The following LMNA variants were observed in gnomAD, a reference collection of about 807,000 sequenced individuals.
The protein encoded by LMNA is lamin A/C.
In LMNA, 20 loss-of-function variants were observed where a neutral mutation model predicts 70.4. The ratio of observed to expected loss-of-function variants is 0.28; its 90% CI spans 0.20 to 0.41. The LOEUF is 0.41. LMNA is among the 10% of genes least tolerant of loss of function. The probability of loss-of-function intolerance (pLI) is 1.00; values close to 1 mark genes in which losing one functional copy is unlikely to be tolerated. For missense variants in LMNA, 652 were observed against 917.2 expected (o/e 0.71, Z 3.73); for synonymous variants, 339 against 372.8 (o/e 0.91, Z 1.04).
At chr1:156,084,036 G>T (rs543373950) in intron 2 of LMNA, among the ~76,000 whole-genome samples, 1 of 152,090 alleles carries the variant, frequency 6.6e-6, no homozygotes, top group East Asian at 1.9e-4. Flanking sequence ...TTGAGGGCTC[G>T]AGGTCAGACT....
Position 156,139,142 on chromosome 1 carries a change from T to C in LMNA, c.*36T>C. 1 of 1,613,170 alleles carries C rather than the reference T, an allele frequency of 6.2e-7. No individual in the cohort carries two copies. The highest frequency in any genetic ancestry group is 8.5e-7 in the Non-Finnish European group (1 of 1,179,724). On this transcript the variant is annotated 3_prime_UTR_variant, in exon 12 of 12. Coordinates refer to ENST00000368300, the MANE Select transcript of LMNA (RefSeq NM_170707.4). ...GCCAGGCAGGGGTGGGGGTGGAGGC[T>C]TCCTGCGTCCTCCTCACCTCATGCC...
chr1:156,102,252 C>T (rs1336448550), intron 3 of LMNA, among the ~76,000 whole-genome samples: 1 of 152,178 alleles, frequency 6.6e-6, no homozygotes, highest in Non-Finnish European at 1.5e-5. Context: ...GTGTTCCTCA[C>T]TTCCCCCATC....
chr1:156,091,543 G>A (rs1648702930), intron 3 of LMNA, among the ~76,000 whole-genome samples: 1 of 151,996 alleles, frequency 6.6e-6, no homozygotes, highest in African/African-American at 2.4e-5. Flanking sequence ...CAGAGGTTGC[G>A]GTAAGCCAAG....
At chr1:156,131,303 C>A (rs1651043972) in intron 2 of LMNA, among the ~76,000 whole-genome samples, 1 of 151,488 alleles carries the variant, frequency 6.6e-6, no homozygotes, top group South Asian at 2.1e-4. Flanking sequence ...TAAAAATAAT[C>A]CAGGCCATGT....
chr1:156,129,830 G>A, intron 1 of LMNA: 1 of 765,810 alleles, frequency 1.3e-6, no homozygotes, highest in African/African-American at 1.7e-5. Flanking sequence ...GGAGCAGGGA[G>A]GCTTAAAGCT....
At chr1:156,119,454 G>A (rs747159627) in intron 1 of LMNA, among the ~76,000 whole-genome samples, 8 of 152,256 alleles carry the variant, frequency 5.3e-5, no homozygotes, top group Non-Finnish European at 8.8e-5. Flanking sequence ...GGGTTTCACC[G>A]TGTTGCCCAA....
At chr1:156,123,114 C>T (rs1313649545) in intron 1 of LMNA, 1 of 151,800 alleles carries the variant, frequency 6.6e-6, no homozygotes, top group Non-Finnish European at 1.5e-5. Context: ...GTGGCCTTTT[C>T]TTGAGAACTA....
intron 3 of LMNA, among the ~76,000 whole-genome samples, chr1:156,102,476 T>C (rs533296660): frequency 6.6e-6 from 1 of 152,304 alleles, no homozygotes; most frequent in African/African-American, 2.4e-5. Flanking sequence ...GTCCTAAAAC[T>C]GGGTCTTCAA....
chr1:156,131,518 A>C (rs1004680054), intron 2 of LMNA, among the ~76,000 whole-genome samples: 1 of 152,186 alleles, frequency 6.6e-6, no homozygotes, highest in Non-Finnish European at 1.5e-5. Flanking sequence ...TGAACCTGAG[A>C]GGTCGAGGAT....
At chr1:156,113,924 G>C (rs1649633989), upstream of LMNA, among the ~76,000 whole-genome samples, 3 of 152,202 alleles carry the variant, frequency 2.0e-5, no homozygotes, top group South Asian at 6.2e-4. Flanking sequence ...AAGGGGACAG[G>C]AGATGGAAGG....
intron 3 of LMNA, among the ~76,000 whole-genome samples, chr1:156,095,674 G>A (rs564704129): frequency 5.2e-4 from 79 of 152,208 alleles, no homozygotes; most frequent in African/African-American, 1.7e-3. Flanking sequence ...CACTTCTAAC[G>A]CCAACATCCT....
chr1:156,131,391 C>T (rs1651051462), intron 2 of LMNA, among the ~76,000 whole-genome samples: 2 of 151,960 alleles, frequency 1.3e-5, no homozygotes, highest in South Asian at 4.1e-4. Flanking sequence ...AGTTTGAGAC[C>T]AGCCTGGGCA....
At chr1:156,106,479 C>T (rs1649349519) in intron 3 of LMNA, among the ~76,000 whole-genome samples, 1 of 152,242 alleles carries the variant, frequency 6.6e-6, no homozygotes, top group African/African-American at 2.4e-5. Context: ...CACACGCAGT[C>T]GCCTGCGTCA....
chr1:156,117,969 ATTTTTTTT>A (rs1186679791), intron 1 of LMNA, among the ~76,000 whole-genome samples: 6 of 91,906 alleles, frequency 6.5e-5, no homozygotes, highest in African/African-American at 2.2e-4. Flanking sequence ...CGCTTGGCTA[ATTTTTTTT>A]TTTTTTTTTT....
In LMNA at chr1:156,114,745, A is replaced by G; in HGVS notation, c.-174A>G. The G allele has an allele frequency of 1.7e-6, 1 of 586,690 alleles. No homozygotes were observed. The highest frequency in any genetic ancestry group is 3.0e-6 in the Non-Finnish European group (1 of 337,552). 36.3% of individuals were successfully genotyped at this position (586,690 alleles called of 1,614,324 possible). Reference sequence around the variant, plus strand: ...GGGAGCGCCGCACCTACACCAGCCAACCCAGATCCCGAGGTCCGACAGCGC... The same window carrying G: ...GGGAGCGCCGCACCTACACCAGCCAGCCCAGATCCCGAGGTCCGACAGCGC... On this transcript the variant is annotated 5_prime_UTR_variant, in exon 1 of 12. Transcript: ENST00000368300.
chr1:156,126,829 C>T, intron 1 of LMNA: 2 of 1,611,900 alleles, frequency 1.2e-6, no homozygotes, highest in East Asian at 2.2e-5. Flanking sequence ...GCTTGGGGAA[C>T]CTGGAGGATG....
chr1:156,132,965 G>A (rs140762385), intron 2 of LMNA, among the ~76,000 whole-genome samples: 16,251 of 149,666 alleles, frequency 0.11, 1,642 homozygotes, highest in African/African-American at 0.27. Flanking sequence ...TCAGCCTCCC[G>A]AGTAGCTGGG....
Position 156,135,401 on chromosome 1 carries a change from G to A in LMNA, c.936+89G>A, listed in dbSNP as rs973887502. On this transcript the variant is annotated intron_variant, in intron 5 of 11. Coordinates refer to ENST00000368300, the MANE Select transcript of LMNA (RefSeq NM_170707.4). The surrounding 1 kb of genome is among the most constrained non-coding windows in gnomAD (Gnocchi z 4.8). ...CCCAGGGTTGGGGGTGGGGGTGGGGGTGGGAGGTTCCTGAGGAGGAGAGGG... is the reference window on the plus strand; with the variant it reads ...CCCAGGGTTGGGGGTGGGGGTGGGGATGGGAGGTTCCTGAGGAGGAGAGGG... 17 of 1,368,416 alleles carry A rather than the reference G, an allele frequency of 1.2e-5. No homozygotes were observed. Among genetic ancestry groups the A allele is most frequent in the Middle Eastern group, 2.5e-4 (1 of 3,988 alleles). The allele number at this position is 1,368,416 out of a possible 1,614,324, so 84.8% of individuals were successfully genotyped here. A position where few individuals can be genotyped will look rare whatever the true frequency, so the allele number is the denominator to read the frequency against.
chr1:156,135,087 G>A lies in LMNA; in HGVS notation c.811-100G>A. On this transcript the variant is annotated intron_variant, in intron 4 of 11. Transcript: ENST00000368300. This position sits in a 1 kb window ranked among gnomAD's most constrained non-coding sequence, Gnocchi z 4.8. Reference sequence around the variant, plus strand: ...GGCAGATGGTGGCAGGGAGCTCAGGGTGGCCCAGGACCTGGGGCTGTAGCA... The same window carrying A: ...GGCAGATGGTGGCAGGGAGCTCAGGATGGCCCAGGACCTGGGGCTGTAGCA... 3.7e-6 allele frequency: 6 copies of A among 1,610,072 alleles called. No homozygotes were observed. Among genetic ancestry groups the A allele is most frequent in the Non-Finnish European group, 5.1e-6 (6 of 1,176,938 alleles).
Sources: gnomAD v4.1 joint callset for allele counts (sites outside exome capture counted in the v4.1 genomes callset) on GRCh38, gnomAD v4.1.1 for gene constraint, Gnocchi (gnomAD v3.1) non-coding constraint, MANE v1.5 for transcripts, NCBI Gene and HGNC (gene_info 2026-07-23, HGNC 2026-07-21) for gene names.